PTPN23: variants seen among roughly 807,000 people sequenced by gnomAD.
PTPN23 encodes the protein protein tyrosine phosphatase non-receptor type 23.
A neutral mutation model predicts 156.3 loss-of-function variants in PTPN23; 72 were observed. The observed-to-expected ratio is 0.46, with a 90% CI of 0.38 to 0.56. The LOEUF is 0.56. Among genes scored for constraint, PTPN23 ranks in the 20% least tolerant of loss-of-function variants. The probability of loss-of-function intolerance (pLI) is 0.00; values close to 1 mark genes in which losing one functional copy is unlikely to be tolerated. For missense variants in PTPN23, 1,974 were observed against 2,171.5 expected (o/e 0.91, Z 1.81); for synonymous variants, 957 against 899.6 (o/e 1.06, Z -1.14).
intron 2 of PTPN23, among the ~76,000 whole-genome samples, chr3:47,401,987 C>T (rs1705004316): frequency 6.6e-6 from 1 of 152,132 alleles, no homozygotes; most frequent in South Asian, 2.1e-4. Context: ...GTGGAGTGTC[C>T]TGGAGGATTT....
chr3:47,401,362 G>A lies in PTPN23; in HGVS notation c.160-3290G>A, dbSNP rs150760924. Among the ~76,000 whole-genome samples, 11 of 152,006 alleles carry A rather than the reference G, an allele frequency of 7.2e-5. 1 individual carries two copies. The East Asian group carries it at 1.9e-3, about 27-fold the overall frequency. ...GCTGGGACTACAGGTATGCATCACC[G>A]CACCTGGCCAATTTTTGTATTTTTT... On this transcript the variant is annotated intron_variant, in intron 2 of 24. Transcript: ENST00000265562.
intron 23 of PTPN23, 34 bp downstream of exon 23, chr3:47,412,455 C>T (rs1559530935): frequency 6.2e-7 from 1 of 1,611,640 alleles, no homozygotes; most frequent in Non-Finnish European, 8.5e-7. Context: ...TGGGATGGGC[C>T]TTCTGTCCCA....
In PTPN23 at chr3:47,406,647, G is replaced by A. The variant is rs1705132015; in HGVS notation, c.759+35G>A. ...TGGGGCCCCAGGGCGGGGCAGGGCG[G>A]GGCTGAGTGGCCACAGCTCAGGAAG... is the stretch of plus-strand genomic sequence containing the variant. On this transcript the variant is annotated intron_variant, in intron 8 of 24. Transcript: ENST00000265562. The surrounding 1 kb of genome is among the most constrained non-coding windows in gnomAD (Gnocchi z 5.8). 2 of 1,613,932 alleles carry A rather than the reference G, an allele frequency of 1.2e-6. No homozygotes were observed. The highest frequency in any genetic ancestry group is 2.2e-5 in the South Asian group (2 of 91,082).
At position 47,405,058 on chromosome 3, in the gene PTPN23, A is replaced by T. The variant is rs763789256; in HGVS notation, c.341A>T (p.Gln114Leu). 3.1e-6 allele frequency: 5 copies of T among 1,614,086 alleles called. No homozygotes were observed. The African/African-American group carries it at 4.0e-5, about 13-fold the overall frequency. The change falls in exon 4 of 25, where the codon CAG (glutamine) becomes CTG (leucine). Residue 114 changes from glutamine to leucine, a missense_variant. Gln to Leu is a moderately radical substitution (Grantham distance 113). Coordinates refer to ENST00000265562, the MANE Select transcript of PTPN23 (RefSeq NM_015466.4). This position sits in a 1 kb window ranked among gnomAD's most constrained non-coding sequence, Gnocchi z 4.7. ...SVAHEDIKYE[Q>L]ACILYNLGAL... ...GCCCATGAGGACATCAAGTACGAGC[A>T]GGCCTGTATTCTCTACAACCTTGGT...
Position 47,407,297 on chromosome 3 carries a change from C to T in PTPN23, c.865-12C>T. ...TAGTGCTAAGGCCCCACCCCTGTCC[C>T]TAACCCCACAGGGCCAGCCTGACAC... is the stretch of plus-strand genomic sequence containing the variant. On this transcript the variant is annotated splice_polypyrimidine_tract_variant and intron_variant, in intron 10 of 24. Transcript: ENST00000265562. This position sits in a 1 kb window ranked among gnomAD's most constrained non-coding sequence, Gnocchi z 4.0. 1.9e-6 allele frequency: 3 copies of T among 1,613,914 alleles called. No homozygotes were observed. Among genetic ancestry groups the T allele is most frequent in the Non-Finnish European group, 2.5e-6 (3 of 1,179,882 alleles).
rs148898265 is a variant in PTPN23 at position 47,409,172 on chromosome 3, C to T, written c.1652C>T (p.Ala551Val). Residue 551 changes from alanine to valine, a missense_variant, in exon 17 of 25, where the codon GCC becomes GTC. Physicochemically the swap from Ala to Val is moderately conservative, Grantham distance 64 (BLOSUM62 0). Coordinates refer to ENST00000265562, the MANE Select transcript of PTPN23 (RefSeq NM_015466.4). Reference protein sequence around the residue: ...PTPALSPEDKAVLQNLKRILA... With the variant: ...PTPALSPEDKVVLQNLKRILA... Reference sequence around the variant, plus strand: ...CCACTGCTGCCCACAGAGGACAAGGCCGTGCTGCAAAACCTAAAGCGCATC... The same window carrying T: ...CCACTGCTGCCCACAGAGGACAAGGTCGTGCTGCAAAACCTAAAGCGCATC... The T allele has an allele frequency of 1.4e-5, 22 of 1,613,658 alleles. No homozygotes were observed. The highest frequency in any genetic ancestry group is 1.9e-5 in the Non-Finnish European group (22 of 1,179,806).
At position 47,412,399 on chromosome 3, in the gene PTPN23, G is replaced by T; in HGVS notation, c.4295G>T (p.Arg1432Ile). Residue 1432 changes from arginine (R) to isoleucine (I), a missense_variant, in exon 23 of 25, where the codon AGA becomes ATA. This residue lies in a region of PTPN23 where 484 missense variants were observed against 516.0 expected (regional missense o/e 0.94). Coordinates refer to ENST00000265562, the MANE Select transcript of PTPN23 (RefSeq NM_015466.4). Reference protein sequence around the residue: ...PQLVRRMRQQRKHMLQEKLHL... With the variant: ...PQLVRRMRQQIKHMLQEKLHL... ...CTGGTGCGGCGCATGCGGCAGCAGAGAAAGCACATGCTGCAGGAGAAGGTG... is the reference window on the plus strand; with the variant it reads ...CTGGTGCGGCGCATGCGGCAGCAGATAAAGCACATGCTGCAGGAGAAGGTG... The T allele has an allele frequency of 6.2e-7, 1 of 1,613,096 alleles. No individual in the cohort carries two copies. Among genetic ancestry groups the T allele is most frequent in the Admixed American group, 1.7e-5 (1 of 60,022 alleles).
In PTPN23 at chr3:47,406,407, T is replaced by G; in HGVS notation, c.627+2T>G. 1 of 1,613,814 alleles carries G rather than the reference T, an allele frequency of 6.2e-7. No individual in the cohort carries two copies. The highest frequency in any genetic ancestry group is 1.7e-5 in the Admixed American group (1 of 60,010). On this transcript the variant is annotated splice_donor_variant, in intron 7 of 24. Transcript: ENST00000265562. LOFTEE classifies it high-confidence loss of function. This position sits in a 1 kb window ranked among gnomAD's most constrained non-coding sequence, Gnocchi z 5.8. ...CTGGTGGCCCGCATCAGTGCACAGG[T>G]AGGGACGGGGCTGAGGGGAGGCCTT...
chr3:47,399,478 GAAA>G (rs1704948397), intron 2 of PTPN23, among the ~76,000 whole-genome samples: 3 of 152,148 alleles, frequency 2.0e-5, no homozygotes, highest in African/African-American at 7.2e-5. Context: ...AACAAAGTTT[GAAA>G]ACTAGTGAGA....
rs572187526 is a variant in PTPN23 at position 47,408,949 on chromosome 3, A to G, written c.1504A>G (p.Met502Val). The G allele has an allele frequency of 1.2e-6, 2 of 1,614,226 alleles. No homozygotes were observed. The highest frequency in any genetic ancestry group is 2.2e-5 in the East Asian group (1 of 44,890). ...AEVRREWAKYMEVHEKASFTN... is the reference protein window; with the variant it reads ...AEVRREWAKYVEVHEKASFTN... ...GGTGAGGCGAGAATGGGCCAAGTAC[A>G]TGGAAGTCCATGAGAAGGCCTCCTT... is the stretch of plus-strand genomic sequence containing the variant. Residue 502 changes from methionine to valine, a missense_variant, in exon 16 of 25, where the codon ATG (methionine) becomes GTG (valine). Around this residue, in one of 4 missense-constraint regions of PTPN23, gnomAD observed 726 missense variants for 929.5 expected, o/e 0.78. Coordinates refer to ENST00000265562, the MANE Select transcript of PTPN23 (RefSeq NM_015466.4).
In PTPN23 at chr3:47,411,988, GGT is replaced by G. The variant is rs749750329; in HGVS notation, c.4073+23_4073+24del. On this transcript the variant is annotated intron_variant, in intron 21 of 24. Transcript: ENST00000265562. This position sits in a 1 kb window ranked among gnomAD's most constrained non-coding sequence, Gnocchi z 6.3. ...GAGTTGTGAGTCCACTGCTCTGGATGGTGGTTGGGGGTCTAAGTGCTGTCCAG... is the reference window on the plus strand; with the variant it reads ...GAGTTGTGAGTCCACTGCTCTGGATGGGTTGGGGGTCTAAGTGCTGTCCAG... 32 of 1,606,598 alleles carry G rather than the reference GGT, an allele frequency of 2.0e-5. 1 individual carries two copies. The highest frequency in any genetic ancestry group is 2.5e-5 in the Non-Finnish European group (29 of 1,175,890).
chr3:47,382,126 G>A (rs116750864), intron 1 of PTPN23, among the ~76,000 whole-genome samples: 1,830 of 152,282 alleles, frequency 0.012, 16 homozygotes, highest in Middle Eastern at 0.058. Flanking sequence ...AAAAGAAAAT[G>A]GGTTTGGAAG....
intron 1 of PTPN23, among the ~76,000 whole-genome samples, chr3:47,392,705 C>T (rs959292018): frequency 1.3e-5 from 2 of 152,100 alleles, no homozygotes; most frequent in African/African-American, 4.8e-5. Flanking sequence ...AAAGGACCCA[C>T]AAAAGGCTAA....
Position 47,410,098 on chromosome 3 carries a change from C to G in PTPN23, c.2300C>G (p.Thr767Ser), listed in dbSNP as rs1448704047. 1 of 1,606,976 alleles carries G rather than the reference C, an allele frequency of 6.2e-7. No homozygotes were observed. The highest frequency in any genetic ancestry group is 8.5e-7 in the Non-Finnish European group (1 of 1,176,270). ...RLPDTFLGSA[T>S]PLHFPPSPFP... ...CCTGACACCTTCCTGGGAAGTGCCACCCCGCTCCACTTTCCTCCCAGCCCC... is the reference window on the plus strand; with the variant it reads ...CCTGACACCTTCCTGGGAAGTGCCAGCCCGCTCCACTTTCCTCCCAGCCCC... The change falls in exon 20 of 25, where the codon ACC becomes AGC. Residue 767 changes from threonine (T) to serine (S), a missense_variant. By Grantham distance (58) the Thr-to-Ser change is moderately conservative (BLOSUM62 1). Coordinates refer to ENST00000265562, the MANE Select transcript of PTPN23 (RefSeq NM_015466.4).
In PTPN23 at chr3:47,409,809, G is replaced by T; in HGVS notation, c.2104G>T (p.Ala702Ser). The change falls in exon 19 of 25, where the codon GCT becomes TCT. Residue 702 changes from alanine (A) to serine (S), a missense_variant. By Grantham distance (99) the Ala-to-Ser change is moderately conservative. Coordinates refer to ENST00000265562, the MANE Select transcript of PTPN23 (RefSeq NM_015466.4). ...RTQSTCQAREAARQQLLDREL... is the reference protein window; with the variant it reads ...RTQSTCQARESARQQLLDREL... ...GCAGTCCACCTGCCAGGCCCGCGAG[G>T]CTGCCCGCCAGCAGCTCCTGGACAG... is the stretch of plus-strand genomic sequence containing the variant. The T allele has an allele frequency of 6.2e-7, 1 of 1,609,710 alleles. No homozygotes were observed. The highest frequency in any genetic ancestry group is 8.5e-7 in the Non-Finnish European group (1 of 1,179,212).
Position 47,407,600 on chromosome 3 carries a change from G to T in PTPN23, c.1003+16G>T, listed in dbSNP as rs1465511572. The T allele has an allele frequency of 6.2e-7, 1 of 1,610,944 alleles. No homozygotes were observed. The highest frequency in any genetic ancestry group is 8.5e-7 in the Non-Finnish European group (1 of 1,177,166). The stretch of plus-strand genomic sequence containing the variant: ...CCTGTAAAAGGTCGGGGAGCTGAGA[G>T]GTGGGGGCAGAGGTGACGGTGGGGT... On this transcript the variant is annotated intron_variant, in intron 12 of 24. Transcript: ENST00000265562. The surrounding 1 kb of genome is among the most constrained non-coding windows in gnomAD (Gnocchi z 4.0).
chr3:47,413,204 G>GTTT lies in PTPN23; in HGVS notation c.*20_*21insTTT. On this transcript the variant is annotated 3_prime_UTR_variant, in exon 25 of 25. Transcript: ENST00000265562. ...GACCTGAACAGGTTTTGCCTACCTG[G>GTTT]TCCTTACACTACATCATCATCATCT... 1 of 1,594,878 alleles carries GTTT rather than the reference G, an allele frequency of 6.3e-7. No homozygotes were observed. The highest frequency in any genetic ancestry group is 8.6e-7 in the Non-Finnish European group (1 of 1,169,490).
intron 1 of PTPN23, among the ~76,000 whole-genome samples, chr3:47,387,205 G>A (rs1704671194): frequency 6.6e-6 from 1 of 152,112 alleles, no homozygotes; most frequent in Admixed American, 6.6e-5. Flanking sequence ...ATTTCACTTG[G>A]CAATACGCCA....
chr3:47,407,449 T>C lies in PTPN23; in HGVS notation c.924-56T>C. On this transcript the variant is annotated intron_variant, in intron 11 of 24. Transcript: ENST00000265562. The surrounding 1 kb of genome is among the most constrained non-coding windows in gnomAD (Gnocchi z 4.0). Reference sequence around the variant, plus strand: ...GCTGGCATCTACATGGGAAGTAGGTTCTGGATCCCCACTGACACCCCGTGA... The same window carrying C: ...GCTGGCATCTACATGGGAAGTAGGTCCTGGATCCCCACTGACACCCCGTGA... 3.1e-6 allele frequency: 5 copies of C among 1,608,756 alleles called. No homozygotes were observed. Among genetic ancestry groups the C allele is most frequent in the Non-Finnish European group, 4.3e-6 (5 of 1,175,318 alleles).
Sources: gnomAD v4.1 joint callset for allele counts (sites outside exome capture counted in the v4.1 genomes callset) on GRCh38, gnomAD v4.1.1 for gene constraint, gnomAD v4.1.1 regional missense constraint, Gnocchi (gnomAD v3.1) non-coding constraint, MANE v1.5 for transcripts, NCBI Gene and HGNC (gene_info 2026-07-23, HGNC 2026-07-21) for gene names.